The following VPS37A variants were observed in gnomAD, a reference collection of about 807,000 sequenced individuals.
The protein encoded by VPS37A is VPS37A subunit of ESCRT-I.
In VPS37A, 30 loss-of-function variants were observed where a neutral mutation model predicts 49.8. That is an observed-to-expected ratio of 0.60 (90% CI 0.45 to 0.82). The LOEUF (loss-of-function observed/expected upper bound fraction) is 0.82, where lower values mean the gene tolerates loss of function less well. Among genes scored for constraint, VPS37A ranks in the 40% least tolerant of loss-of-function variants. The pLI, the probability that VPS37A is intolerant of heterozygous loss-of-function variation, is 0.00. For synonymous variants in VPS37A, 195 were observed against 160.6 expected (o/e 1.21, Z -1.62); for missense variants, 593 against 464.4 (o/e 1.28, Z -2.55).
intron 1 of VPS37A, chr8:17,247,944 T>A: frequency 1.7e-6 from 1 of 597,578 alleles, no homozygotes; most frequent in Non-Finnish European, 3.0e-6. Flanking sequence ...CCAGTGCATG[T>A]ACATTTCTCA....
chr8:17,306,047 T>A, downstream of VPS37A: 1 of 979,450 alleles, frequency 1.0e-6, no homozygotes, highest in African/African-American at 1.6e-5. Flanking sequence ...AAAGCAACCC[T>A]AGTTCCTAAA....
At chr8:17,287,173 G>A (rs1057504859) in intron 11 of VPS37A, among the ~76,000 whole-genome samples, 1 of 152,024 alleles carries the variant, frequency 6.6e-6, no homozygotes, top group Non-Finnish European at 1.5e-5. Context: ...GGAATGATTT[G>A]TTTGCAAGAA....
chr8:17,303,782 G>A (rs1277882444), downstream of VPS37A, among the ~76,000 whole-genome samples: 1 of 151,990 alleles, frequency 6.6e-6, no homozygotes, highest in South Asian at 2.1e-4. Context: ...GCTAATTTTT[G>A]TATTTTCAGT....
chr8:17,249,570 G>GT, intron 1 of VPS37A, among the ~76,000 whole-genome samples: 1 of 152,264 alleles, frequency 6.6e-6, no homozygotes, highest in Non-Finnish European at 1.5e-5. Context: ...TATGCTTCCA[G>GT]TTTTCAAAGA....
intron 1 of VPS37A, among the ~76,000 whole-genome samples, chr8:17,265,026 A>G (rs1470064417): frequency 6.6e-6 from 1 of 152,188 alleles, no homozygotes; most frequent in African/African-American, 2.4e-5. Flanking sequence ...TGGCTAAAAC[A>G]AGATAAAAGT....
chr8:17,265,894 T>C lies in VPS37A; in HGVS notation c.126-13T>C. ...ATGACTTTGGGTAAATTTTTTAAAA[T>C]TTTCTCCTGCAGTATAGCCGAAATA... On this transcript the variant is annotated splice_polypyrimidine_tract_variant and intron_variant, in intron 1 of 11. Transcript: ENST00000324849. 1 of 1,613,204 alleles carries C rather than the reference T, an allele frequency of 6.2e-7. No individual in the cohort carries two copies. The highest frequency in any genetic ancestry group is 8.5e-7 in the Non-Finnish European group (1 of 1,179,548).
At chr8:17,313,297 C>T in the VPS37A span, 1 of 1,609,158 alleles carries the variant, frequency 6.2e-7, no homozygotes, top group Non-Finnish European at 8.5e-7. Flanking sequence ...CATACCTTTG[C>T]AATGAAGATT....
rs776392994 is a variant in VPS37A at position 17,280,271 on chromosome 8, G to T, written c.874G>T (p.Ala292Ser). 4 of 1,612,702 alleles carry T rather than the reference G, an allele frequency of 2.5e-6. No individual in the cohort carries two copies. Among genetic ancestry groups the T allele is most frequent in the Admixed American group, 1.7e-5 (1 of 59,882 alleles). Residue 292 changes from alanine (A) to serine (S), a missense_variant, in exon 8 of 12, where the codon GCC becomes TCC. Physicochemically the swap from Ala to Ser is moderately conservative, Grantham distance 99. Coordinates refer to ENST00000324849, the MANE Select transcript of VPS37A (RefSeq NM_152415.3). ...KNLLLEPSLE[A>S]KRQTVLDKYE... Reference sequence around the variant, plus strand: ...TCTCCTTTTGGAGCCCAGCTTGGAAGCCAAAAGACAAACTGTTTTAGATAA... The same window carrying T: ...TCTCCTTTTGGAGCCCAGCTTGGAATCCAAAAGACAAACTGTTTTAGATAA...
chr8:17,314,633 T>G, the VPS37A span, among the ~76,000 whole-genome samples: 1 of 152,106 alleles, frequency 6.6e-6, no homozygotes, highest in Admixed American at 6.5e-5. Flanking sequence ...AAAGCACAAG[T>G]AGTTAAATTC....
chr8:17,247,697 CT>C, intron 1 of VPS37A: 1 of 702,868 alleles, frequency 1.4e-6, no homozygotes, highest in Non-Finnish European at 2.6e-6. Flanking sequence ...CGCCACTGAT[CT>C]TTCCCTTTGC....
chr8:17,265,186 C>A (rs983115649), intron 1 of VPS37A, among the ~76,000 whole-genome samples: 1 of 152,112 alleles, frequency 6.6e-6, no homozygotes, highest in South Asian at 2.1e-4. Flanking sequence ...TATTAGAAGT[C>A]TAGTTCCTAG....
intron 6 of VPS37A, among the ~76,000 whole-genome samples, chr8:17,278,928 A>C (rs559343307): frequency 6.6e-6 from 1 of 152,244 alleles, no homozygotes; most frequent in South Asian, 2.1e-4. Context: ...GTCAAAACTA[A>C]GATACGTTCA....
chr8:17,269,049 G>T lies in VPS37A; in HGVS notation c.416+93G>T, dbSNP rs140688502. 21 of 887,896 alleles carry T rather than the reference G, an allele frequency of 2.4e-5. No individual in the cohort carries two copies. In the African/African-American group the frequency reaches 3.3e-4, roughly 14 times the overall value. 55.0% of individuals were successfully genotyped at this position (887,896 alleles called of 1,614,324 possible). On this transcript the variant is annotated intron_variant, in intron 4 of 11. Coordinates refer to ENST00000324849, the MANE Select transcript of VPS37A (RefSeq NM_152415.3). ...AAAATTCAAATGATGTTAAAAATCA[G>T]TCCTCTGATTTCTACATCCCCACAA...
intron 9 of VPS37A, among the ~76,000 whole-genome samples, chr8:17,283,922 T>C (rs528151341): frequency 6.6e-6 from 1 of 152,350 alleles, no homozygotes; most frequent in South Asian, 2.1e-4. Context: ...TGATTAGTAA[T>C]GTCTTCTTAA....
downstream of VPS37A, chr8:17,300,344 A>T (rs530867201): frequency 8.8e-7 from 1 of 1,134,932 alleles, no homozygotes; most frequent in East Asian, 2.6e-5. Context: ...CATGTGACTC[A>T]GAGGGATGTG....
At chr8:17,259,687 A>T (rs1812797666) in intron 1 of VPS37A, among the ~76,000 whole-genome samples, 1 of 152,096 alleles carries the variant, frequency 6.6e-6, no homozygotes, top group Non-Finnish European at 1.5e-5. Flanking sequence ...CCCTATAGTT[A>T]ACGTATTGCA....
At chr8:17,277,063 T>C (rs1814581735) in intron 6 of VPS37A, among the ~76,000 whole-genome samples, 1 of 152,134 alleles carries the variant, frequency 6.6e-6, no homozygotes, top group Admixed American at 6.6e-5. Context: ...ATAAGGCTCT[T>C]ATTACTAATA....
At chr8:17,306,934 C>T (rs1238553277), downstream of VPS37A, among the ~76,000 whole-genome samples, 1 of 151,886 alleles carries the variant, frequency 6.6e-6, no homozygotes, top group Non-Finnish European at 1.5e-5. Flanking sequence ...CTATAAAAAA[C>T]CCTAGAAGAA....
At chr8:17,306,022 G>A, downstream of VPS37A, 3 of 1,355,828 alleles carry the variant, frequency 2.2e-6, no homozygotes, top group Non-Finnish European at 3.0e-6. Context: ...AGCCATAAAT[G>A]CAAAAACAAC....
Sources: gnomAD v4.1 joint callset for allele counts (sites outside exome capture counted in the v4.1 genomes callset) on GRCh38, gnomAD v4.1.1 for gene constraint, MANE v1.5 for transcripts, NCBI Gene and HGNC (gene_info 2026-07-23, HGNC 2026-07-21) for gene names.